The following OSBPL9 variants were observed in gnomAD, a reference collection of about 807,000 sequenced individuals.
OSBPL9 encodes oxysterol-binding protein-related protein 9.
Under a neutral mutation model 106.6 loss-of-function variants are expected in OSBPL9, and 40 were observed. That is an observed-to-expected ratio of 0.38 (90% CI 0.29 to 0.49). The LOEUF is 0.49. Ranked by LOEUF, OSBPL9 falls within the 20% of genes least tolerant of loss-of-function variation. The pLI, the probability that OSBPL9 is intolerant of heterozygous loss-of-function variation, is 0.97. For synonymous variants in OSBPL9, 269 were observed against 295.4 expected, an observed-to-expected ratio of 0.91 and a Z score of 0.92; for missense variants, 609 against 887.2, an observed-to-expected ratio of 0.69 and a Z score of 3.98.
At chr1:51,532,610 A>G in the OSBPL9 span, among the ~76,000 whole-genome samples, 24 of 152,246 alleles carry the variant, frequency 1.6e-4, no homozygotes, top group African/African-American at 5.8e-4. Flanking sequence ...TTAAGAGTCC[A>G]GTTGACACAG....
intron 15 of OSBPL9, among the ~76,000 whole-genome samples, chr1:51,779,301 A>AAGG (rs1675774208): frequency 6.6e-6 from 1 of 152,232 alleles, no homozygotes; most frequent in African/African-American, 2.4e-5. Context: ...AAAGTGGGAA[A>AAGG]AGGACACCCT....
rs997930735 is a variant in OSBPL9 at position 51,729,378 on chromosome 1, G to C, written c.318+15299G>C. The stretch of plus-strand genomic sequence containing the variant: ...GGCACGTTAGAAGCCGGTGGGTGTA[G>C]GTGAGGCACGCTGGCGCCCGCGGGC... On this transcript the variant is annotated intron_variant, in intron 4 of 23. Coordinates refer to ENST00000428468, the MANE Select transcript of OSBPL9 (RefSeq NM_024586.6). The surrounding 1 kb of genome is among the most constrained non-coding windows in gnomAD (Gnocchi z 5.1). 6.6e-6 allele frequency: 1 copy of C among 152,422 alleles called. No individual in the cohort carries two copies. The highest frequency in any genetic ancestry group is 6.5e-5 in the Admixed American group (1 of 15,284). The allele number at this position is 152,422 out of a possible 1,614,324, so 9.4% of individuals were successfully genotyped here.
intron 2 of OSBPL9, among the ~76,000 whole-genome samples, chr1:51,601,325 G>A (rs563048756): frequency 6.6e-6 from 1 of 152,302 alleles, no homozygotes; most frequent in Non-Finnish European, 1.5e-5. Flanking sequence ...TTCCACTTAA[G>A]GGTTGAAACC....
the OSBPL9 span, among the ~76,000 whole-genome samples, chr1:51,518,742 G>A: frequency 6.6e-6 from 1 of 152,050 alleles, no homozygotes; most frequent in Non-Finnish European, 1.5e-5. Context: ...TACTGGGGGC[G>A]GCGCGCAGCC....
At chr1:51,743,952 G>T (rs780942054) in intron 4 of OSBPL9, among the ~76,000 whole-genome samples, 2 of 151,644 alleles carry the variant, frequency 1.3e-5, no homozygotes, top group Non-Finnish European at 2.9e-5. Context: ...TCTGGATTTT[G>T]TATACATTGT....
At chr1:51,549,604 G>C in the OSBPL9 span, among the ~76,000 whole-genome samples, 434 of 152,296 alleles carry the variant, frequency 2.8e-3, no homozygotes, top group South Asian at 0.013. Context: ...GGCTGAGATG[G>C]GCAGATCACT....
At chr1:51,664,059 G>T (rs1457111382) in intron 2 of OSBPL9, among the ~76,000 whole-genome samples, 1 of 152,142 alleles carries the variant, frequency 6.6e-6, no homozygotes, top group African/African-American at 2.4e-5. Flanking sequence ...TTTTGAGGAC[G>T]ATTTGATAGT....
chr1:51,581,149 T>G (rs1451799207), intron 1 of OSBPL9, among the ~76,000 whole-genome samples: 2 of 150,950 alleles, frequency 1.3e-5, no homozygotes, highest in Non-Finnish European at 3.0e-5. Flanking sequence ...GGCCTCAAAC[T>G]CCTGGGCTTG....
At chr1:51,714,231 A>T in intron 4 of OSBPL9, 152 bp downstream of exon 4, 2 of 554,878 alleles carry the variant, frequency 3.6e-6, no homozygotes. Flanking sequence ...AGTTATAGTA[A>T]AGTTATACTC....
chr1:51,651,665 C>T (rs1646526659), intron 1 of OSBPL9, among the ~76,000 whole-genome samples: 1 of 151,832 alleles, frequency 6.6e-6, no homozygotes, highest in Admixed American at 6.6e-5. Flanking sequence ...TGATTCTTAG[C>T]CTTCTAGGTG....
intron 11 of OSBPL9, 67 bp from the exon 12 acceptor site, chr1:51,765,755 T>C (rs1010739743): frequency 7.1e-7 from 1 of 1,405,646 alleles, no homozygotes; most frequent in Non-Finnish European, 9.6e-7. Context: ...AAGTCTGCTT[T>C]GACTCCATCT....
chr1:51,781,420 G>GTATACTGATT, intron 16 of OSBPL9, 85 bp downstream of exon 16: 1 of 1,337,470 alleles, frequency 7.5e-7, no homozygotes, highest in South Asian at 1.3e-5. Flanking sequence ...AATGATGAAA[G>GTATACTGATT]CAATGATCAA....
chr1:51,779,859 C>T (rs1160895129), intron 15 of OSBPL9, among the ~76,000 whole-genome samples: 2 of 152,068 alleles, frequency 1.3e-5, no homozygotes, highest in African/African-American at 2.4e-5. Flanking sequence ...AGGTGGATCA[C>T]GAGGTCAGGA....
the OSBPL9 span, among the ~76,000 whole-genome samples, chr1:51,570,254 C>T: frequency 6.6e-6 from 1 of 152,222 alleles, no homozygotes; most frequent in Non-Finnish European, 1.5e-5. Flanking sequence ...TGAACACTTA[C>T]TCGTTACCAA....
chr1:51,741,326 G>A (rs1211344190), intron 4 of OSBPL9, among the ~76,000 whole-genome samples: 1 of 152,126 alleles, frequency 6.6e-6, no homozygotes, highest in South Asian at 2.1e-4. Flanking sequence ...AGAAGTATGT[G>A]TTATTCTTCT....
chr1:51,555,838 T>A, the OSBPL9 span, among the ~76,000 whole-genome samples: 1 of 152,336 alleles, frequency 6.6e-6, no homozygotes, highest in East Asian at 1.9e-4. Flanking sequence ...CCCAAAGTGC[T>A]GGGATTACAG....
chr1:51,634,871 A>C (rs1453269448), intron 1 of OSBPL9, among the ~76,000 whole-genome samples: 2 of 152,210 alleles, frequency 1.3e-5, no homozygotes, highest in African/African-American at 2.4e-5. Context: ...CAAAGAGAGA[A>C]TAAGAACCAA....
chr1:51,646,264 CTATT>C (rs1428102631), intron 1 of OSBPL9, among the ~76,000 whole-genome samples: 1 of 152,086 alleles, frequency 6.6e-6, no homozygotes, highest in Non-Finnish European at 1.5e-5. Context: ...AGGTATCTTT[CTATT>C]TATTTAGGTC....
chr1:51,606,707 A>G (rs1297892514), intron 2 of OSBPL9, among the ~76,000 whole-genome samples: 1 of 152,210 alleles, frequency 6.6e-6, no homozygotes, highest in Non-Finnish European at 1.5e-5. Context: ...TCCTTTACAA[A>G]ATGGCTTTTT....
Sources: allele counts gnomAD v4.1 joint callset (sites outside exome capture counted in the v4.1 genomes callset), GRCh38; gene constraint gnomAD v4.1.1; non-coding constraint Gnocchi (gnomAD v3.1); transcripts MANE v1.5; gene names NCBI Gene and HGNC (gene_info 2026-07-23, HGNC 2026-07-21).